Variants in CNTN5 observed in about 807,000 individuals in gnomAD.
CNTN5 encodes the protein contactin 5, also known as contactin-5.
In CNTN5, 77 loss-of-function variants were observed where a neutral mutation model predicts 129.1. The ratio of observed to expected loss-of-function variants is 0.60; its 90% CI spans 0.50 to 0.72. CNTN5 has a LOEUF of 0.72. CNTN5 is among the 30% of genes least tolerant of loss of function. The pLI, the probability that CNTN5 is intolerant of heterozygous loss-of-function variation, is 0.00. For synonymous variants in CNTN5, 509 were observed against 465.6 expected (o/e 1.09, Z -1.20); for missense variants, 1,478 against 1,328.8 (o/e 1.11, Z -1.75).
At chr11:100,288,302 T>C (rs1950851189) in intron 18 of CNTN5, among the ~76,000 whole-genome samples, 1 of 85,150 alleles carries the variant, frequency 1.2e-5, no homozygotes, top group South Asian at 3.0e-4. Context: ...CAACAGAATA[T>C]ACATTTTTTT....
intron 13 of CNTN5, among the ~76,000 whole-genome samples, chr11:100,129,345 A>C (rs1946300716): frequency 6.6e-6 from 1 of 152,150 alleles, no homozygotes; most frequent in Non-Finnish European, 1.5e-5. Flanking sequence ...GATTTGTCTT[A>C]ATCTTGACCA....
chr11:100,055,738 G>A (rs1008487750), intron 9 of CNTN5, among the ~76,000 whole-genome samples: 1 of 151,384 alleles, frequency 6.6e-6, no homozygotes, highest in Non-Finnish European at 1.5e-5. Flanking sequence ...GTGTTCTGTG[G>A]CTTTAGTCAT....
intron 9 of CNTN5, among the ~76,000 whole-genome samples, chr11:100,030,820 A>G (rs867542044): frequency 1.3e-5 from 2 of 152,234 alleles, no homozygotes; most frequent in African/African-American, 2.4e-5. Context: ...TCCTGTAACC[A>G]TGTTAAAGCT....
intron 1 of CNTN5, among the ~76,000 whole-genome samples, chr11:99,173,251 T>C (rs77125640): frequency 0.043 from 6,532 of 152,250 alleles, 209 homozygotes; most frequent in South Asian, 0.15. Flanking sequence ...AAGAGGACTT[T>C]TTAAGTGGAT....
intron 2 of CNTN5, among the ~76,000 whole-genome samples, chr11:99,516,122 A>G (rs1318649817): frequency 9.8e-6 from 1 of 102,224 alleles, no homozygotes; most frequent in Non-Finnish European, 2.0e-5. Flanking sequence ...GAATAAAGAG[A>G]AGGTGCTAAT....
At chr11:100,341,038 T>C in intron 22 of CNTN5, 55 bp from the exon 23 acceptor site, 14 of 1,250,552 alleles carry the variant, frequency 1.1e-5, no homozygotes, top group Non-Finnish European at 1.5e-5. Context: ...AAGAATTAAA[T>C]GAAGAAATGT....
chr11:99,350,470 A>T (rs1375924663), intron 2 of CNTN5, among the ~76,000 whole-genome samples: 1 of 152,192 alleles, frequency 6.6e-6, no homozygotes, highest in East Asian at 1.9e-4. Context: ...TTTACCCAAG[A>T]ATTATAAAAC....
Position 100,132,845 on chromosome 11 carries a change from G to A in CNTN5, c.1581-58281G>A, listed in dbSNP as rs17094392. The stretch of plus-strand genomic sequence containing the variant: ...AATACAATCTATCTGCCTTGAGAAA[G>A]CAAATATTTATGATTACACAGTTTT... On this transcript the variant is annotated intron_variant, in intron 13 of 24. Coordinates refer to ENST00000524871, the MANE Select transcript of CNTN5 (RefSeq NM_014361.4). Among the ~76,000 whole-genome samples the A allele has an allele frequency of 6.0e-3, 913 of 152,086 alleles. 7 individuals are homozygous for A. The highest frequency in any genetic ancestry group is 0.019 in the African/African-American group (786 of 41,500).
intron 13 of CNTN5, among the ~76,000 whole-genome samples, chr11:100,144,879 TTTCCTTCCTTCC>T (rs1946801030): frequency 6.6e-6 from 1 of 152,004 alleles, no homozygotes. Context: ...TCCTTCCTTC[TTTCCTTCCTTCC>T]TCTTTTTCTT....
At chr11:99,154,078 G>A (rs1356467863) in intron 1 of CNTN5, among the ~76,000 whole-genome samples, 2 of 152,154 alleles carry the variant, frequency 1.3e-5, no homozygotes, top group Non-Finnish European at 1.5e-5. Context: ...GATTGTGCCA[G>A]CCAAAGCCTT....
In CNTN5 at chr11:100,063,049, G is replaced by A. The variant is rs148704361; in HGVS notation, c.1162+1656G>A. Among the ~76,000 whole-genome samples, 1,104 of 152,208 alleles carry A rather than the reference G, an allele frequency of 7.3e-3. 8 individuals are homozygous for A. Among genetic ancestry groups the A allele is most frequent in the African/African-American group, 0.024 (988 of 41,526 alleles). ...GAAAATCACAAATAATGTAAAGCAT[G>A]CCTGTTACTCTGAAGGCTATCAGAG... On this transcript the variant is annotated intron_variant, in intron 10 of 24. Coordinates refer to ENST00000524871, the MANE Select transcript of CNTN5 (RefSeq NM_014361.4).
At chr11:99,361,429 G>A (rs73543120) in intron 2 of CNTN5, among the ~76,000 whole-genome samples, 4,918 of 152,128 alleles carry the variant, frequency 0.032, 266 homozygotes, top group African/African-American at 0.11. Context: ...ATAAATAATT[G>A]AACCTGTGAT....
At chr11:100,187,128 G>A (rs1367023864) in intron 13 of CNTN5, among the ~76,000 whole-genome samples, 5 of 151,994 alleles carry the variant, frequency 3.3e-5, no homozygotes, top group Admixed American at 2.6e-4. Context: ...GTTACATATA[G>A]TCCTAGGTAT....
chr11:100,076,106 T>C (rs1347394479), intron 13 of CNTN5, among the ~76,000 whole-genome samples: 2 of 152,172 alleles, frequency 1.3e-5, no homozygotes, highest in Non-Finnish European at 2.9e-5. Flanking sequence ...AACACTATGA[T>C]TTTTAAAAAA....
intron 1 of CNTN5, among the ~76,000 whole-genome samples, chr11:99,266,621 A>G (rs1862909379): frequency 6.6e-6 from 1 of 152,038 alleles, no homozygotes. Context: ...TAATAAATGA[A>G]TAAAGCATAT....
At chr11:99,726,763 G>A (rs992148832) in intron 3 of CNTN5, among the ~76,000 whole-genome samples, 2 of 152,106 alleles carry the variant, frequency 1.3e-5, no homozygotes, top group African/African-American at 4.8e-5. Flanking sequence ...ACATTTAGGA[G>A]AATGTCAGAT....
chr11:99,399,970 C>T (rs530736291), intron 2 of CNTN5, among the ~76,000 whole-genome samples: 7 of 151,784 alleles, frequency 4.6e-5, no homozygotes, highest in African/African-American at 1.7e-4. Context: ...AGTATCTATC[C>T]CCTCAAGTAT....
intron 21 of CNTN5, among the ~76,000 whole-genome samples, chr11:100,321,599 G>A (rs1951697694): frequency 1.3e-5 from 2 of 152,050 alleles, no homozygotes; most frequent in Non-Finnish European, 1.5e-5. Flanking sequence ...AAGAGAAGTG[G>A]CAAGAGTATG....
intron 3 of CNTN5, among the ~76,000 whole-genome samples, chr11:99,738,491 T>A (rs2135143086): frequency 6.6e-6 from 1 of 152,248 alleles, no homozygotes; most frequent in Admixed American, 6.5e-5. Context: ...CAAATTGATG[T>A]CCAGTTCATT....
Sources: gnomAD v4.1 joint callset for allele counts (sites outside exome capture counted in the v4.1 genomes callset) on GRCh38, gnomAD v4.1.1 for gene constraint, MANE v1.5 for transcripts, NCBI Gene and HGNC (gene_info 2026-07-23, HGNC 2026-07-21) for gene names.